THOP1: variants seen among roughly 807,000 people sequenced by gnomAD.
The protein encoded by THOP1 is thimet oligopeptidase 1, also known as thimet oligopeptidase.
Under a neutral mutation model 71.8 loss-of-function variants are expected in THOP1, and 49 were observed. The observed-to-expected ratio is 0.68, with a 90% CI of 0.54 to 0.87. The LOEUF is 0.87. THOP1 is among the 40% of genes least tolerant of loss of function. The probability of loss-of-function intolerance (pLI) is 0.00; values close to 1 mark genes in which losing one functional copy is unlikely to be tolerated. For missense variants in THOP1, 843 were observed against 975.6 expected, an observed-to-expected ratio of 0.86 and a Z score of 1.81; for synonymous variants, 426 against 421.5, an observed-to-expected ratio of 1.01 and a Z score of -0.13.
chr19:2,807,163 G>A, intron 7 of THOP1, 111 bp downstream of exon 7: 2 of 1,399,570 alleles, frequency 1.4e-6, no homozygotes, highest in Non-Finnish European at 1.9e-6. Flanking sequence ...TCCATGAAGA[G>A]GGACTTCTGA....
rs1204927035 is a variant in THOP1 at position 2,801,334 on chromosome 19, C to G, written c.589+1543C>G. On this transcript the variant is annotated intron_variant, in intron 5 of 12. Coordinates refer to ENST00000307741, the MANE Select transcript of THOP1 (RefSeq NM_003249.5). The surrounding 1 kb of genome is among the most constrained non-coding windows in gnomAD (Gnocchi z 5.1). ...TTGTTCTTGTCGGCGTTTCAGCTGC[C>G]TGTTTCTTTTCACGTTTGCCATCCT... 1.3e-5 allele frequency among the ~76,000 whole-genome samples: 2 copies of G among 152,206 alleles called. No individual in the cohort carries two copies. Among genetic ancestry groups the G allele is most frequent in the East Asian group, 3.9e-4 (2 of 5,192 alleles).
Position 2,807,920 on chromosome 19 carries a change from G to C in THOP1, c.1253+112G>C, listed in dbSNP as rs951323153. 17 of 1,267,656 alleles carry C rather than the reference G, an allele frequency of 1.3e-5. No individual in the cohort carries two copies. In the African/African-American group the frequency reaches 2.6e-4, roughly 19 times the overall value. The allele number at this position is 1,267,656 out of a possible 1,614,324, so 78.5% of individuals were successfully genotyped here. ...TCGTTGCCTGCTCCATGGGGCCTCG[G>C]GGATGAACCCCGAGACGTAGCACCC... On this transcript the variant is annotated intron_variant, in intron 8 of 12. Transcript: ENST00000307741.
In THOP1 at chr19:2,798,178, G is replaced by A. The variant is rs191964728; in HGVS notation, c.487-1511G>A. 1.7e-3 allele frequency among the ~76,000 whole-genome samples: 265 copies of A among 152,044 alleles called. 5 individuals are homozygous for A. Among genetic ancestry groups the A allele is most frequent in the Non-Finnish European group, 5.4e-4 (37 of 67,970 alleles). ...GGAGTAGCTGGGATTACGGGCACCC[G>A]CCAACACAGCTGGCTAATTTTTTTT... On this transcript the variant is annotated intron_variant, in intron 4 of 12. Coordinates refer to ENST00000307741, the MANE Select transcript of THOP1 (RefSeq NM_003249.5).
At chr19:2,803,535 G>T (rs892540318) in intron 5 of THOP1, among the ~76,000 whole-genome samples, 1 of 152,206 alleles carries the variant, frequency 6.6e-6, no homozygotes, top group African/African-American at 2.4e-5. Context: ...GTCCAGCGCT[G>T]CTGGGCCCCC....
intron 10 of THOP1, 51 bp from the exon 11 acceptor site, chr19:2,810,589 A>T (rs1264880099): frequency 4.6e-6 from 7 of 1,534,058 alleles, no homozygotes; most frequent in Non-Finnish European, 6.2e-6. Context: ...CTCTGGGCAG[A>T]GTGGGCCGGG....
intron 4 of THOP1, among the ~76,000 whole-genome samples, chr19:2,797,334 A>G (rs914234338): frequency 1.3e-5 from 2 of 152,150 alleles, no homozygotes; most frequent in South Asian, 2.1e-4. Flanking sequence ...GGGAGGGGCC[A>G]TTTCTCGAGG....
chr19:2,804,769 G>C lies in THOP1; in HGVS notation c.590-247G>C, dbSNP rs1366083413. 1 of 479,602 alleles carries C rather than the reference G, an allele frequency of 2.1e-6. No homozygotes were observed. Among genetic ancestry groups the C allele is most frequent in the East Asian group, 3.9e-5 (1 of 25,918 alleles). 29.7% of individuals were successfully genotyped at this position (479,602 alleles called of 1,614,324 possible). ...AGGATGCTGGGGGGTTTCCTGGTGG[G>C]GTTAGAGGCGGGACGTGAGAAACGT... On this transcript the variant is annotated intron_variant, in intron 5 of 12. Transcript: ENST00000307741. The surrounding 1 kb of genome is among the most constrained non-coding windows in gnomAD (Gnocchi z 4.7).
chr19:2,792,230 T>C (rs757682328), intron 2 of THOP1, among the ~76,000 whole-genome samples: 1 of 152,222 alleles, frequency 6.6e-6, no homozygotes, highest in Non-Finnish European at 1.5e-5. Flanking sequence ...ACAGGCTTTT[T>C]TGTTGTTTTT....
rs1231177379 is a variant in THOP1 at position 2,813,731 on chromosome 19, G to A, written c.*455G>A. 1 of 135,254 alleles carries A rather than the reference G, an allele frequency of 7.4e-6. No individual in the cohort carries two copies. Among genetic ancestry groups the A allele is most frequent in the East Asian group, 2.6e-4 (1 of 3,780 alleles). The allele number at this position is 135,254 out of a possible 1,614,324, so 8.4% of individuals were successfully genotyped here. On this transcript the variant is annotated 3_prime_UTR_variant, in exon 13 of 13. Coordinates refer to ENST00000307741, the MANE Select transcript of THOP1 (RefSeq NM_003249.5). Reference sequence around the variant, plus strand: ...GATTGGGGCTCAGGTCCTTGTGGGGGCGGGGGGTGGGGGAGTAAAGGGCTG... The same window carrying A: ...GATTGGGGCTCAGGTCCTTGTGGGGACGGGGGGTGGGGGAGTAAAGGGCTG...
intron 4 of THOP1, among the ~76,000 whole-genome samples, chr19:2,798,488 G>A (rs1916070028): frequency 6.6e-6 from 1 of 152,230 alleles, no homozygotes; most frequent in Non-Finnish European, 1.5e-5. Flanking sequence ...AGGTCCGGAT[G>A]CTGGCGAGCA....
intron 1 of THOP1, 93 bp from the exon 2 acceptor site, chr19:2,790,328 G>A (rs1156812200): frequency 9.1e-6 from 11 of 1,211,200 alleles, no homozygotes; most frequent in Admixed American, 7.5e-5. Flanking sequence ...GATGAGAAGC[G>A]GGTGATCCCT....
rs911757729 is a variant in THOP1, at chr19:2,796,342, C to A, written c.486+154C>A. ...CGGGGAGTGCTCGGCTCAGGGAGTGCTTGGGGCATCAGGAGTGCTGGGTTC... is the reference window on the plus strand; with the variant it reads ...CGGGGAGTGCTCGGCTCAGGGAGTGATTGGGGCATCAGGAGTGCTGGGTTC... On this transcript the variant is annotated intron_variant, in intron 4 of 12. Coordinates refer to ENST00000307741, the MANE Select transcript of THOP1 (RefSeq NM_003249.5). Among the ~76,000 whole-genome samples the A allele has an allele frequency of 1.8e-4, 25 of 141,562 alleles. 1 individual carries two copies. Among genetic ancestry groups the A allele is most frequent in the African/African-American group, 6.4e-4 (24 of 37,320 alleles). The allele number at this position is 141,562 out of a possible 152,430, so 92.9% of individuals were successfully genotyped here.
Position 2,810,362 on chromosome 19 carries a change from C to T in THOP1, c.1514C>T (p.Ser505Leu), listed in dbSNP as rs1243647192. Residue 505 changes from serine to leucine, a missense_variant, in exon 10 of 13, where the codon TCG becomes TTG. Physicochemically the swap from Ser to Leu is moderately radical, Grantham distance 145. Transcript: ENST00000307741. The stretch of plus-strand genomic sequence containing the variant: ...GAGCGGGACTTTGTGGAGGCGCCGT[C>T]GCAGATGCTGGAGAACTGGGTGTGG... ...HVERDFVEAP[S>L]QMLENWVWEQ... The T allele has an allele frequency of 3.1e-6, 5 of 1,611,732 alleles. No individual in the cohort carries two copies. The highest frequency in any genetic ancestry group is 4.2e-6 in the Non-Finnish European group (5 of 1,179,736).
chr19:2,797,606 G>A (rs375192511), intron 4 of THOP1, among the ~76,000 whole-genome samples: 20 of 152,334 alleles, frequency 1.3e-4, no homozygotes, highest in African/African-American at 4.8e-4. Context: ...CCAGAATGTG[G>A]GCTGCTGTGA....
rs572487870 is a variant in THOP1 at position 2,808,459 on chromosome 19, G to A, written c.1455+15G>A. ...TCTGCTCCCAGGTGGGTGCGGGCCC[G>A]GGCAGGGGCAGGGGCAGGGGCAGGG... On this transcript the variant is annotated intron_variant, in intron 9 of 12. Coordinates refer to ENST00000307741, the MANE Select transcript of THOP1 (RefSeq NM_003249.5). 70 of 1,437,040 alleles carry A rather than the reference G, an allele frequency of 4.9e-5. No individual in the cohort carries two copies. The Admixed American group carries it at 7.5e-4, about 15-fold the overall frequency. The allele number at this position is 1,437,040 out of a possible 1,614,324, so 89.0% of individuals were successfully genotyped here. A position where few individuals can be genotyped will look rare whatever the true frequency, so the allele number is the denominator to read the frequency against.
chr19:2,805,110 G>A lies in THOP1; in HGVS notation c.684G>A (p.Leu228=), dbSNP rs750523539. Residue 228 remains leucine (L), a synonymous_variant, in exon 6 of 13, where the codon CTG becomes CTA. Coordinates refer to ENST00000307741, the MANE Select transcript of THOP1 (RefSeq NM_003249.5). The surrounding 1 kb of genome is among the most constrained non-coding windows in gnomAD (Gnocchi z 6.6). ...AGTACCCCCATTACTTCCCCCTCCT[G>A]AAGAAATGCCACGTGCCTGAGACCA... ...TLKYPHYFPL[L]KKCHVPETRR... 8 of 1,612,870 alleles carry A rather than the reference G, an allele frequency of 5.0e-6. No homozygotes were observed. The South Asian group carries it at 7.7e-5, about 16-fold the overall frequency.
chr19:2,799,819 G>A, intron 5 of THOP1, 28 bp downstream of exon 5: 2 of 1,596,318 alleles, frequency 1.3e-6, no homozygotes, highest in East Asian at 2.2e-5. Context: ...GGGCACGGGT[G>A]GCCATCGGTC....
chr19:2,807,317 G>A, intron 7 of THOP1, 125 bp from the exon 8 acceptor site: 1 of 1,406,484 alleles, frequency 7.1e-7, no homozygotes, highest in Non-Finnish European at 9.3e-7. Context: ...TCGAGGGGTT[G>A]CCGGGAACTG....
intron 5 of THOP1, among the ~76,000 whole-genome samples, chr19:2,800,181 T>A (rs1266352903): frequency 6.6e-6 from 1 of 152,198 alleles, no homozygotes; most frequent in Admixed American, 6.5e-5. Context: ...TTATTTAATT[T>A]AATTAATTAA....
Sources: gnomAD v4.1 joint callset for allele counts (sites outside exome capture counted in the v4.1 genomes callset) on GRCh38, gnomAD v4.1.1 for gene constraint, Gnocchi (gnomAD v3.1) non-coding constraint, MANE v1.5 for transcripts, NCBI Gene and HGNC (gene_info 2026-07-23, HGNC 2026-07-21) for gene names.